KIFAP3: variants seen among roughly 807,000 people sequenced by gnomAD.
KIFAP3 encodes the protein kinesin associated protein 3, also known as kinesin-associated protein 3.
In KIFAP3, 68 loss-of-function variants were observed where a neutral mutation model predicts 106.5. That is an observed-to-expected ratio of 0.64 (90% CI 0.53 to 0.78). The LOEUF (loss-of-function observed/expected upper bound fraction) is 0.78. KIFAP3 is among the 30% of genes least tolerant of loss of function. The pLI is 0.00. For missense variants in KIFAP3, 780 were observed against 941.8 expected (o/e 0.83, Z 2.25); for synonymous variants, 320 against 311.5 (o/e 1.03, Z -0.29).
rs768269543 is a variant in KIFAP3, at chr1:169,961,108, C to T, written c.2111G>A (p.Arg704Gln). The change falls in exon 18 of 20, where the codon CGA (arginine) becomes CAA (glutamine). Residue 704 changes from arginine (R) to glutamine (Q), a missense_variant. By Grantham distance (43) the Arg-to-Gln change is conservative. Transcript: ENST00000361580. ...ESEQYLYGDDRIEPYIHEGDI... is the reference protein window; with the variant it reads ...ESEQYLYGDDQIEPYIHEGDI... Reference sequence around the variant, plus strand: ...TCCTTCATGAATGTATGGCTCAATTCGATCATCACCATACAAGTACTGCTC... The same window carrying T: ...TCCTTCATGAATGTATGGCTCAATTTGATCATCACCATACAAGTACTGCTC... 4.8e-5 allele frequency: 78 copies of T among 1,613,388 alleles called. No homozygotes were observed. Among genetic ancestry groups the T allele is most frequent in the Non-Finnish European group, 5.5e-5 (65 of 1,179,650 alleles).
chr1:169,981,858 T>G (rs1455371915), intron 15 of KIFAP3, 114 bp downstream of exon 15: 1 of 815,604 alleles, frequency 1.2e-6, no homozygotes, highest in Non-Finnish European at 1.9e-6. Context: ...TAAGTTGCTA[T>G]GAAACAATTA....
chr1:169,983,057 T>G (rs1666611109), intron 13 of KIFAP3, among the ~76,000 whole-genome samples, 190 bp from the exon 14 acceptor site: 1 of 151,806 alleles, frequency 6.6e-6, no homozygotes, highest in Non-Finnish European at 1.5e-5. Context: ...AAGACTGTAG[T>G]GGGGTGGAGG....
chr1:170,056,163 G>C (rs1264609316), intron 1 of KIFAP3, among the ~76,000 whole-genome samples: 1 of 149,598 alleles, frequency 6.7e-6, no homozygotes, highest in African/African-American at 2.5e-5. Context: ...TGGACCAAAA[G>C]ACACGAAGAA....
chr1:169,956,721 C>T (rs970110346), intron 18 of KIFAP3, among the ~76,000 whole-genome samples: 5 of 150,700 alleles, frequency 3.3e-5, no homozygotes, highest in African/African-American at 9.8e-5. Context: ...TTCAAGTGAT[C>T]CTCCTGAGTA....
chr1:169,954,657 CA>C (rs1487431395), intron 18 of KIFAP3, among the ~76,000 whole-genome samples: 5 of 152,136 alleles, frequency 3.3e-5, no homozygotes, highest in African/African-American at 1.2e-4. Flanking sequence ...AACACACACA[CA>C]AACTTACATT....
chr1:170,034,529 A>T, intron 6 of KIFAP3, 33 bp from the exon 7 acceptor site: 3 of 1,205,038 alleles, frequency 2.5e-6, no homozygotes, highest in Non-Finnish European at 3.4e-6. Context: ...TATATTTAAA[A>T]GAATACATTT....
exon 1 of KIFAP3, chr1:170,085,129 A>G (rs887118684): frequency 2.6e-5 from 4 of 152,126 alleles, no homozygotes; most frequent in African/African-American, 9.7e-5. Flanking sequence ...CCACCTTTCC[A>G]ATTAGTTTGA....
At chr1:169,988,533 G>A (rs375438906) in intron 11 of KIFAP3, among the ~76,000 whole-genome samples, 2 of 151,926 alleles carry the variant, frequency 1.3e-5, no homozygotes, top group South Asian at 2.1e-4. Context: ...TATTCCAACC[G>A]GGGTTATGAC....
At chr1:169,998,391 TATATATATAC>T (rs774778021) in intron 10 of KIFAP3, among the ~76,000 whole-genome samples, 2,630 of 131,828 alleles carry the variant, frequency 0.02, 31 homozygotes, top group African/African-American at 0.035. Context: ...GATATATATA[TATATATATAC>T]ACACACACAC....
At chr1:170,015,133 C>T (rs891033844) in intron 10 of KIFAP3, among the ~76,000 whole-genome samples, 2 of 152,174 alleles carry the variant, frequency 1.3e-5, no homozygotes, top group African/African-American at 4.8e-5. Flanking sequence ...GTGGGTATCA[C>T]ATGAGTGATT....
intron 2 of KIFAP3, among the ~76,000 whole-genome samples, chr1:170,051,194 C>T (rs1362674466): frequency 6.6e-6 from 1 of 150,444 alleles, no homozygotes. Flanking sequence ...CAATTCTAGT[C>T]TCTGATAAAA....
intron 16 of KIFAP3, among the ~76,000 whole-genome samples, chr1:169,976,359 A>G (rs554539841): frequency 1.3e-5 from 2 of 152,192 alleles, no homozygotes; most frequent in Non-Finnish European, 2.9e-5. Context: ...AGGTTCCAAG[A>G]AGACTCTGTA....
At position 169,943,298 on chromosome 1, in the gene KIFAP3, A is replaced by G. The variant is rs141903491; in HGVS notation, c.2273+10713T>C. Among the ~76,000 whole-genome samples the G allele has an allele frequency of 7.2e-3, 1,101 of 152,280 alleles. 11 individuals carry two copies. The highest frequency in any genetic ancestry group is 0.025 in the African/African-American group (1,054 of 41,568). ...AGGTTTTAGCTGTTTCTTAAAAAACAAATATCTTAGAAAAAATATCTAATA... is the reference window on the plus strand; with the variant it reads ...AGGTTTTAGCTGTTTCTTAAAAAACGAATATCTTAGAAAAAATATCTAATA... On this transcript the variant is annotated intron_variant, in intron 19 of 19. Coordinates refer to ENST00000361580, the MANE Select transcript of KIFAP3 (RefSeq NM_014970.4).
intron 16 of KIFAP3, among the ~76,000 whole-genome samples, chr1:169,973,124 A>ATATATATATATATATAGAG (rs1361338751): frequency 2.1e-5 from 1 of 48,726 alleles, no homozygotes; most frequent in Admixed American, 2.2e-4. Context: ...TATATATATA[A>ATATATATATATATATAGAG]ACAACACAAA....
chr1:170,035,600 G>T, intron 5 of KIFAP3, 47 bp from the exon 6 acceptor site: 2 of 1,169,302 alleles, frequency 1.7e-6, no homozygotes, highest in Non-Finnish European at 2.4e-6. Context: ...CCTTGCTCTG[G>T]TATAAAGGGT....
At chr1:169,978,046 G>A in intron 16 of KIFAP3, 39 bp downstream of exon 16, 2 of 1,255,790 alleles carry the variant, frequency 1.6e-6, no homozygotes, top group East Asian at 2.4e-5. Context: ...TTCTGAATAT[G>A]TGAAATATTG....
intron 1 of KIFAP3, among the ~76,000 whole-genome samples, chr1:170,055,817 C>T (rs1477306346): frequency 6.6e-6 from 1 of 152,086 alleles, no homozygotes; most frequent in Non-Finnish European, 1.5e-5. Flanking sequence ...CCAAAGGCAA[C>T]TGCCTTAAAA....
chr1:169,948,453 A>G (rs931587064), intron 19 of KIFAP3, among the ~76,000 whole-genome samples: 6 of 151,974 alleles, frequency 3.9e-5, no homozygotes, highest in Non-Finnish European at 8.8e-5. Flanking sequence ...ACACTAAATG[A>G]AGCAGTATTT....
At chr1:170,018,261 T>C (rs12145295) in intron 9 of KIFAP3, among the ~76,000 whole-genome samples, 2 of 152,156 alleles carry the variant, frequency 1.3e-5, no homozygotes, top group African/African-American at 2.4e-5. Flanking sequence ...GAGTTAGTAG[T>C]TGCAAGACAG....
Sources: gnomAD v4.1 joint callset for allele counts (sites outside exome capture counted in the v4.1 genomes callset) on GRCh38, gnomAD v4.1.1 for gene constraint, MANE v1.5 for transcripts, NCBI Gene and HGNC (gene_info 2026-07-23, HGNC 2026-07-21) for gene names.